The following ADAMTS18 variants were observed in gnomAD, a reference collection of about 807,000 sequenced individuals.
ADAMTS18 encodes the protein ADAM metallopeptidase with thrombospondin type 1 motif 18, also known as A disintegrin and metalloproteinase with thrombospondin motifs 18.
Under a neutral mutation model 165.9 loss-of-function variants are expected in ADAMTS18, and 157 were observed. The observed-to-expected ratio is 0.95, with a 90% CI of 0.83 to 1.08. The LOEUF is 1.08. Ranked by LOEUF, ADAMTS18 falls within the 50% of genes least tolerant of loss-of-function variation. The probability of loss-of-function intolerance (pLI) is 0.00; values close to 1 mark genes in which losing one functional copy is unlikely to be tolerated. For missense variants in ADAMTS18, 2,040 were observed against 1,534.0 expected, an observed-to-expected ratio of 1.33 and a Z score of -5.51; for synonymous variants, 782 against 578.2, an observed-to-expected ratio of 1.35 and a Z score of -5.06.
At chr16:77,370,532 T>C (rs1052789515) in intron 3 of ADAMTS18, among the ~76,000 whole-genome samples, 1 of 152,046 alleles carries the variant, frequency 6.6e-6, no homozygotes, top group Non-Finnish European at 1.5e-5. Context: ...GGTGGATCAC[T>C]TGAGGTCAGG....
chr16:77,398,049 G>A (rs773987737), intron 3 of ADAMTS18, among the ~76,000 whole-genome samples: 2 of 152,274 alleles, frequency 1.3e-5, no homozygotes, highest in South Asian at 2.1e-4. Flanking sequence ...GGGCATGGTG[G>A]CTCACACCTA....
intron 11 of ADAMTS18, among the ~76,000 whole-genome samples, chr16:77,337,865 G>C (rs1353006634): frequency 6.6e-6 from 1 of 150,802 alleles, no homozygotes; most frequent in Admixed American, 6.6e-5. Context: ...TGCAAATTTA[G>C]AATATATACA....
chr16:77,296,044 G>A (rs559883685), intron 18 of ADAMTS18, among the ~76,000 whole-genome samples: 5 of 151,298 alleles, frequency 3.3e-5, no homozygotes, highest in South Asian at 2.1e-4. Context: ...ACACATATAC[G>A]CACATCTTTA....
intron 3 of ADAMTS18, among the ~76,000 whole-genome samples, chr16:77,383,985 C>T (rs1357705780): frequency 2.0e-5 from 3 of 152,130 alleles, no homozygotes; most frequent in Non-Finnish European, 4.4e-5. Context: ...CAGCCTTTAT[C>T]ATGACATGAG....
rs2055361706 is a variant in ADAMTS18 at position 77,291,414 on chromosome 16, T to G, written c.3254A>C (p.Gln1085Pro). ...REMKCSEKGF[Q>P]GKLITFPERR... The stretch of plus-strand genomic sequence containing the variant: ...CTCTGGGAAAGTTATCAGCTTTCCC[T>G]GGAAGCCCTTCTCGCTGCACTTCAT... Residue 1085 changes from glutamine (Q) to proline (P), a missense_variant, in exon 21 of 23, where the codon CAG becomes CCG. Transcript: ENST00000282849. 1 of 1,614,202 alleles carries G rather than the reference T, an allele frequency of 6.2e-7. No homozygotes were observed. The highest frequency in any genetic ancestry group is 8.5e-7 in the Non-Finnish European group (1 of 1,180,020).
intron 3 of ADAMTS18, among the ~76,000 whole-genome samples, chr16:77,409,972 G>A (rs752299507): frequency 7.9e-5 from 12 of 152,032 alleles, no homozygotes; most frequent in Non-Finnish European, 1.3e-4. Flanking sequence ...TGACTCACCC[G>A]ATACTACTTA....
chr16:77,409,003 T>G (rs762201981), intron 3 of ADAMTS18, among the ~76,000 whole-genome samples: 1 of 105,352 alleles, frequency 9.5e-6, no homozygotes, highest in Non-Finnish European at 2.4e-5. Flanking sequence ...AATCTCTTAC[T>G]GTGCCTAATT....
At chr16:77,338,643 A>C (rs2056349066) in intron 11 of ADAMTS18, among the ~76,000 whole-genome samples, 1 of 151,988 alleles carries the variant, frequency 6.6e-6, no homozygotes, top group Admixed American at 6.6e-5. Context: ...TTCCGTGCAC[A>C]CATATTTCTA....
At chr16:77,374,578 C>T (rs963024727) in intron 3 of ADAMTS18, among the ~76,000 whole-genome samples, 1 of 152,160 alleles carries the variant, frequency 6.6e-6, no homozygotes, top group Admixed American at 6.5e-5. Context: ...AGTGAATTAT[C>T]CCTGAAAGCC....
At chr16:77,368,604 G>A (rs181662057) in intron 3 of ADAMTS18, among the ~76,000 whole-genome samples, 46 of 151,876 alleles carry the variant, frequency 3.0e-4, no homozygotes, top group Non-Finnish European at 5.9e-5. Flanking sequence ...GCTCAGAAAT[G>A]CGGTCTATAT....
rs79426884 is a variant in ADAMTS18 at position 77,412,164 on chromosome 16, T to A, written c.495+19131A>T. On this transcript the variant is annotated intron_variant, in intron 3 of 22. Coordinates refer to ENST00000282849, the MANE Select transcript of ADAMTS18 (RefSeq NM_199355.4). ...GCCTAAATAGAACAAAAAGACTGAG[T>A]AAGGAAGAATCCCTCTGTCTCTGAG... 3.8e-3 allele frequency among the ~76,000 whole-genome samples: 578 copies of A among 152,144 alleles called. 4 individuals carry two copies. Among genetic ancestry groups the A allele is most frequent in the African/African-American group, 0.013 (558 of 41,522 alleles).
chr16:77,345,805 G>A (rs1448894201), intron 10 of ADAMTS18, among the ~76,000 whole-genome samples: 1 of 152,160 alleles, frequency 6.6e-6, no homozygotes, highest in Non-Finnish European at 1.5e-5. Context: ...CACTCAGTTA[G>A]GGAGAGCCTT....
intron 3 of ADAMTS18, among the ~76,000 whole-genome samples, chr16:77,372,344 T>C (rs996378229): frequency 1.3e-5 from 2 of 152,218 alleles, no homozygotes; most frequent in African/African-American, 2.4e-5. Flanking sequence ...CTAGTCACAA[T>C]AGCCAAGACA....
At chr16:77,354,885 A>C (rs1347814770) in intron 9 of ADAMTS18, among the ~76,000 whole-genome samples, 2 of 152,172 alleles carry the variant, frequency 1.3e-5, no homozygotes, top group East Asian at 3.8e-4. Flanking sequence ...CATGAGTTGG[A>C]AAAAATAATT....
chr16:77,403,016 C>T (rs1318584274), intron 3 of ADAMTS18, among the ~76,000 whole-genome samples: 2 of 152,152 alleles, frequency 1.3e-5, no homozygotes, highest in Non-Finnish European at 2.9e-5. Flanking sequence ...TTACAACAAA[C>T]AGTAGCCACT....
intron 22 of ADAMTS18, among the ~76,000 whole-genome samples, chr16:77,287,332 G>A (rs1382216001): frequency 6.6e-6 from 1 of 152,148 alleles, no homozygotes; most frequent in Non-Finnish European, 1.5e-5. Context: ...ACCCTGCCAA[G>A]CATGTAATCA....
At position 77,291,388 on chromosome 16, in the gene ADAMTS18, G is replaced by A. The variant is rs775431905; in HGVS notation, c.3280C>T (p.Arg1094Ter). Reference protein sequence around the residue: ...FQGKLITFPERRCRNIKKPNL... With the variant: ...FQGKLITFPE ...GGTTTCTTAATATTACGGCATCTTC[G>A]CTCTGGGAAAGTTATCAGCTTTCCC... Residue 1094 changes from arginine to a stop codon, truncating the protein, a stop_gained, in exon 21 of 23, where the codon CGA (arginine) becomes TGA (stop). Transcript: ENST00000282849. LOFTEE classifies it high-confidence loss of function. The A allele has an allele frequency of 1.1e-5, 17 of 1,614,052 alleles. No homozygotes were observed. Among genetic ancestry groups the A allele is most frequent in the Admixed American group, 1.7e-5 (1 of 60,024 alleles).
At chr16:77,404,155 A>G (rs891636896) in intron 3 of ADAMTS18, among the ~76,000 whole-genome samples, 3 of 152,170 alleles carry the variant, frequency 2.0e-5, no homozygotes, top group African/African-American at 7.2e-5. Flanking sequence ...GTCTCCTAAC[A>G]GGAGGAAGAG....
intron 18 of ADAMTS18, among the ~76,000 whole-genome samples, chr16:77,296,936 T>C (rs1177749427): frequency 6.6e-6 from 1 of 152,208 alleles, no homozygotes; most frequent in African/African-American, 2.4e-5. Flanking sequence ...AAAAGTAAAT[T>C]TGTATTTTTC....
Sources: gnomAD v4.1 joint callset for allele counts (sites outside exome capture counted in the v4.1 genomes callset) on GRCh38, gnomAD v4.1.1 for gene constraint, MANE v1.5 for transcripts, NCBI Gene and HGNC (gene_info 2026-07-23, HGNC 2026-07-21) for gene names.